Variants in PDE3B observed in about 807,000 individuals in gnomAD.
PDE3B encodes the protein phosphodiesterase 3B.
Under a neutral mutation model 116.8 loss-of-function variants are expected in PDE3B, and 66 were observed. The ratio of observed to expected loss-of-function variants is 0.56; its 90% CI spans 0.46 to 0.69. The LOEUF (loss-of-function observed/expected upper bound fraction) is 0.69, where lower values mean the gene tolerates loss of function less well. Among genes scored for constraint, PDE3B ranks in the 30% least tolerant of loss-of-function variants. PDE3B has a pLI of 0.00. For synonymous variants in PDE3B, 595 were observed against 533.6 expected (o/e 1.12, Z -1.59); for missense variants, 1,384 against 1,368.1 (o/e 1.01, Z -0.18).
intron 1 of PDE3B, among the ~76,000 whole-genome samples, chr11:14,682,757 T>C (rs946289336): frequency 2.0e-5 from 3 of 152,066 alleles, no homozygotes; most frequent in African/African-American, 4.8e-5. Context: ...GCTATGTTCA[T>C]GAGGGACATA....
At chr11:14,766,810 G>C (rs897197497) in intron 1 of PDE3B, among the ~76,000 whole-genome samples, 2 of 151,536 alleles carry the variant, frequency 1.3e-5, no homozygotes, top group Non-Finnish European at 3.0e-5. Context: ...CTATATCATA[G>C]TTTACAAAAC....
intron 12 of PDE3B, among the ~76,000 whole-genome samples, chr11:14,854,913 G>GA (rs59183659): frequency 0.68 from 102,382 of 151,536 alleles, 34,827 homozygotes; most frequent in African/African-American, 0.74. Context: ...AAGAATAACT[G>GA]TCACAGGGAG....
rs1859393413 is a variant in PDE3B, at chr11:14,818,244, TCTAA to T, written c.1589_1592del (p.Thr530IlefsTer5). Reference sequence around the variant, plus strand: ...ACCATGGACCAGTGTCTACTGGCTCTCTAACTAATCGATCACCCATAGAATTTCC... The same window carrying T: ...ACCATGGACCAGTGTCTACTGGCTCTCTAATCGATCACCCATAGAATTTCC... On this transcript the variant is annotated frameshift_variant, in exon 6 of 16. Transcript: ENST00000282096. LOFTEE classifies it high-confidence loss of function. The T allele has an allele frequency of 3.7e-6, 6 of 1,613,788 alleles. No homozygotes were observed. The highest frequency in any genetic ancestry group is 4.2e-6 in the Non-Finnish European group (5 of 1,179,738).
intron 10 of PDE3B, among the ~76,000 whole-genome samples, chr11:14,834,207 A>G (rs1859984191): frequency 6.6e-6 from 1 of 152,204 alleles, no homozygotes; most frequent in Non-Finnish European, 1.5e-5. Context: ...GCATACATAC[A>G]CATTAAATAT....
At chr11:14,769,306 G>A (rs892454237) in intron 1 of PDE3B, among the ~76,000 whole-genome samples, 12 of 151,282 alleles carry the variant, frequency 7.9e-5, no homozygotes, top group Admixed American at 4.0e-4. Context: ...TTGAAATATT[G>A]TAATACAAAA....
At chr11:14,666,143 T>G (rs1003312147) in intron 1 of PDE3B, among the ~76,000 whole-genome samples, 1 of 148,716 alleles carries the variant, frequency 6.7e-6, no homozygotes, top group African/African-American at 2.5e-5. Flanking sequence ...TCTACAACTA[T>G]CTGATCTTTG....
chr11:14,674,330 G>T, intron 1 of PDE3B: 1 of 903,888 alleles, frequency 1.1e-6, no homozygotes, highest in South Asian at 1.3e-5. Flanking sequence ...GCTTTTTGAA[G>T]TTCTTATTCT....
At position 14,683,836 on chromosome 11, in the gene PDE3B, A is replaced by T. The variant is rs184957649; in HGVS notation, c.978+38783A>T. On this transcript the variant is annotated intron_variant, in intron 1 of 15. Transcript: ENST00000282096. Reference sequence around the variant, plus strand: ...TGAGTTTCCCTCTAAGCACTATGCTAGCTGTGTGCCATAAATTTTGATACA... The same window carrying T: ...TGAGTTTCCCTCTAAGCACTATGCTTGCTGTGTGCCATAAATTTTGATACA... Among the ~76,000 whole-genome samples the T allele has an allele frequency of 1.1e-4, 16 of 152,306 alleles. No homozygotes were observed. The East Asian group carries it at 2.7e-3, about 26-fold the overall frequency.
intron 3 of PDE3B, among the ~76,000 whole-genome samples, chr11:14,787,171 T>A (rs141786843): frequency 6.6e-6 from 1 of 151,244 alleles, no homozygotes; most frequent in East Asian, 1.9e-4. Flanking sequence ...CCAGTAGGCA[T>A]TGATTTTTAT....
At chr11:14,718,592 A>C (rs1303201527) in intron 1 of PDE3B, among the ~76,000 whole-genome samples, 1 of 149,958 alleles carries the variant, frequency 6.7e-6, no homozygotes, top group Admixed American at 6.6e-5. Flanking sequence ...CAGTGCAATC[A>C]AACTAGAACT....
intron 1 of PDE3B, among the ~76,000 whole-genome samples, chr11:14,695,560 G>A (rs879404162): frequency 2.6e-4 from 39 of 152,002 alleles, no homozygotes; most frequent in Non-Finnish European, 5.3e-4. Context: ...TTCAGGATGT[G>A]CAGGTTACAT....
chr11:14,746,268 C>T (rs1324358720), intron 1 of PDE3B, among the ~76,000 whole-genome samples: 1 of 152,148 alleles, frequency 6.6e-6, no homozygotes, highest in East Asian at 1.9e-4. Context: ...GTGGCATTCA[C>T]CTGCAATTCC....
intron 14 of PDE3B, among the ~76,000 whole-genome samples, chr11:14,867,050 G>T (rs1245661330): frequency 6.7e-6 from 1 of 148,686 alleles, no homozygotes; most frequent in Non-Finnish European, 1.5e-5. Flanking sequence ...TGAATCATTA[G>T]AGAGTTCTGC....
chr11:14,885,783 T>G, the PDE3B span: 1 of 1,612,484 alleles, frequency 6.2e-7, no homozygotes, highest in Non-Finnish European at 8.5e-7. Context: ...TACCTCCCAT[T>G]TTTGTCATCT....
chr11:14,688,351 A>C (rs774638948), intron 1 of PDE3B, among the ~76,000 whole-genome samples: 4 of 152,160 alleles, frequency 2.6e-5, no homozygotes, highest in Non-Finnish European at 5.9e-5. Context: ...AAATGGACAC[A>C]CTGAATCTTA....
In PDE3B at chr11:14,832,709, A is replaced by T; in HGVS notation, c.2095-13A>T. ...TGATTTTTAAAGTAAACTTTATTTT[A>T]ATTGACATTTAGGTTATGTATACCT... On this transcript the variant is annotated splice_polypyrimidine_tract_variant and intron_variant, in intron 9 of 15. Transcript: ENST00000282096. 1 of 936,698 alleles carries T rather than the reference A, an allele frequency of 1.1e-6. No individual in the cohort carries two copies. Among genetic ancestry groups the T allele is most frequent in the Non-Finnish European group, 1.6e-6 (1 of 610,584 alleles). 58.0% of individuals were successfully genotyped at this position (936,698 alleles called of 1,614,324 possible).
chr11:14,658,544 C>T lies in PDE3B; in HGVS notation c.978+13491C>T, dbSNP rs563471538. Among the ~76,000 whole-genome samples, 375 of 152,052 alleles carry T rather than the reference C, an allele frequency of 2.5e-3. 1 individual carries two copies. Among genetic ancestry groups the T allele is most frequent in the Non-Finnish European group, 4.3e-3 (295 of 67,976 alleles). ...CTAATTTTTGTATTTTTAGTAGAGACGGGGGTTTTGCCATGTTGGCCAGGC... is the reference window on the plus strand; with the variant it reads ...CTAATTTTTGTATTTTTAGTAGAGATGGGGGTTTTGCCATGTTGGCCAGGC... On this transcript the variant is annotated intron_variant, in intron 1 of 15. Coordinates refer to ENST00000282096, the MANE Select transcript of PDE3B (RefSeq NM_000922.4).
At chr11:14,688,522 A>G (rs1854954580) in intron 1 of PDE3B, among the ~76,000 whole-genome samples, 1 of 152,140 alleles carries the variant, frequency 6.6e-6, no homozygotes, top group African/African-American at 2.4e-5. Context: ...TGTACTCTGT[A>G]TTGTCTGAGT....
chr11:14,683,315 T>G (rs562228496), intron 1 of PDE3B, among the ~76,000 whole-genome samples: 1 of 152,184 alleles, frequency 6.6e-6, no homozygotes, highest in East Asian at 1.9e-4. Context: ...TTCTTTTTGT[T>G]TTTTTGGAAA....
Sources: allele counts gnomAD v4.1 joint callset (sites outside exome capture counted in the v4.1 genomes callset), GRCh38; gene constraint gnomAD v4.1.1; transcripts MANE v1.5; gene names NCBI Gene and HGNC (gene_info 2026-07-23, HGNC 2026-07-21).